Variants in STARD13 observed in about 807,000 individuals in gnomAD.
STARD13 encodes stAR-related lipid transfer protein 13.
In STARD13, 62 loss-of-function variants were observed where a neutral mutation model predicts 106.4. That is an observed-to-expected ratio of 0.58 (90% confidence interval 0.48 to 0.72). The LOEUF (loss-of-function observed/expected upper bound fraction) is 0.72. STARD13 is among the 30% of genes least tolerant of loss of function. STARD13 has a pLI of 0.00. For missense variants in STARD13, 1,387 were observed against 1,424.0 expected (o/e 0.97, Z 0.42); for synonymous variants, 565 against 553.0 (o/e 1.02, Z -0.31).
intron 1 of STARD13, among the ~76,000 whole-genome samples, chr13:33,317,378 A>G (rs1893381234): frequency 6.6e-6 from 1 of 152,148 alleles, no homozygotes; most frequent in Non-Finnish European, 1.5e-5. Context: ...TCCTACAATC[A>G]ACACCTGATG....
rs566622885 is a variant in STARD13 at position 33,350,112 on chromosome 13, G to A, written c.124+178C>T. Among the ~76,000 whole-genome samples, 11 of 152,188 alleles carry A rather than the reference G, an allele frequency of 7.2e-5. No individual in the cohort carries two copies. The South Asian group carries it at 2.3e-3, about 32-fold the overall frequency. ...GCCCACACCCACCGGGAGGCGCGGCGGGAGGGCGCTCGGGGCCCGGCCCAG... is the reference window on the plus strand; with the variant it reads ...GCCCACACCCACCGGGAGGCGCGGCAGGAGGGCGCTCGGGGCCCGGCCCAG... On this transcript the variant is annotated intron_variant, in intron 1 of 1. Transcript: ENST00000439831.
At chr13:33,590,961 G>A in the STARD13 span, among the ~76,000 whole-genome samples, 51 of 152,118 alleles carry the variant, frequency 3.4e-4, no homozygotes, top group African/African-American at 1.0e-3. Flanking sequence ...AAGTCTCCTC[G>A]TACTTGTATA....
intron 12 of STARD13, among the ~76,000 whole-genome samples, chr13:33,108,653 G>A (rs964567445): frequency 1.3e-5 from 2 of 152,196 alleles, no homozygotes; most frequent in African/African-American, 4.8e-5. Context: ...GTGATGGAAC[G>A]AAGCACTGAT....
intron 8 of STARD13, chr13:33,113,663 G>C (rs886645458): frequency 2.2e-6 from 1 of 459,994 alleles, no homozygotes; most frequent in African/African-American, 2.0e-5. Flanking sequence ...GCTGTGCTTG[G>C]AGAAGAAGAA....
intron 1 of STARD13, among the ~76,000 whole-genome samples, chr13:33,318,919 G>A (rs1893444869): frequency 6.6e-6 from 1 of 152,098 alleles, no homozygotes; most frequent in African/African-American, 2.4e-5. Flanking sequence ...GTGTTGATTA[G>A]GAGTAGAGAA....
intron 1 of STARD13, among the ~76,000 whole-genome samples, chr13:33,340,097 A>G (rs2077943404): frequency 6.6e-6 from 1 of 152,238 alleles, no homozygotes; most frequent in Admixed American, 6.5e-5. Context: ...GACAACATGT[A>G]TGCTCCCACA....
the STARD13 span, among the ~76,000 whole-genome samples, chr13:33,575,807 A>C: frequency 6.6e-6 from 1 of 152,138 alleles, no homozygotes; most frequent in Admixed American, 6.6e-5. Flanking sequence ...TGAGCTAAAT[A>C]AGCCTCTTTT....
chr13:33,129,661 C>T lies in STARD13; in HGVS notation c.1016G>A (p.Ser339Asn), dbSNP rs201505372. The change falls in exon 5 of 14, where the codon AGC becomes AAC. Residue 339 changes from serine to asparagine, a missense_variant. By Grantham distance (46) the Ser-to-Asn change is conservative. Transcript: ENST00000336934. ...GCAGGGCGTGCTCACCCCGCTGCTGCTGTGCTCCGACGGGCTGCTCTCGCC... is the reference window on the plus strand; with the variant it reads ...GCAGGGCGTGCTCACCCCGCTGCTGTTGTGCTCCGACGGGCTGCTCTCGCC... ...SSGESSPSEH[S>N]SSGVSTPCLK... 371 of 1,613,880 alleles carry T rather than the reference C, an allele frequency of 2.3e-4. No homozygotes were observed. Among genetic ancestry groups the T allele is most frequent in the Non-Finnish European group, 2.9e-4 (346 of 1,180,044 alleles).
chr13:33,536,011 A>G, the STARD13 span, among the ~76,000 whole-genome samples: 1 of 152,216 alleles, frequency 6.6e-6, no homozygotes, highest in African/African-American at 2.4e-5. Context: ...TAAGAGCATC[A>G]GTGATTTGGG....
chr13:33,114,582 G>C (rs1322515594), intron 8 of STARD13, among the ~76,000 whole-genome samples: 1 of 152,168 alleles, frequency 6.6e-6, no homozygotes, highest in East Asian at 1.9e-4. Flanking sequence ...TGGTACTAAT[G>C]ATCTGAAGCT....
chr13:33,285,877 C>T, upstream of STARD13: 2 of 857,150 alleles, frequency 2.3e-6, no homozygotes, highest in Admixed American at 3.9e-5. Context: ...AGCCCTAAGC[C>T]CCGACCAGAG....
At chr13:33,630,368 C>T in the STARD13 span, among the ~76,000 whole-genome samples, 1 of 152,140 alleles carries the variant, frequency 6.6e-6, no homozygotes, top group Non-Finnish European at 1.5e-5. Context: ...TTTCCTACCT[C>T]TTCACCACTT....
chr13:33,275,186 G>A (rs572969563), intron 1 of STARD13, among the ~76,000 whole-genome samples: 101 of 152,040 alleles, frequency 6.6e-4, no homozygotes, highest in Non-Finnish European at 1.4e-3. Flanking sequence ...TTTCATTACA[G>A]TTTAAGAAAA....
the STARD13 span, among the ~76,000 whole-genome samples, chr13:33,613,844 A>T: frequency 6.6e-6 from 1 of 152,190 alleles, no homozygotes; most frequent in Non-Finnish European, 1.5e-5. Flanking sequence ...GTGGGAAAGG[A>T]CACAAAAGAA....
At chr13:33,544,413 C>T in the STARD13 span, among the ~76,000 whole-genome samples, 1 of 152,204 alleles carries the variant, frequency 6.6e-6, no homozygotes, top group African/African-American at 2.4e-5. Flanking sequence ...AATTAAATCA[C>T]GCAGTGATTA....
the STARD13 span, among the ~76,000 whole-genome samples, chr13:33,427,164 G>A: frequency 1.5e-4 from 23 of 152,192 alleles, no homozygotes; most frequent in East Asian, 2.1e-3. Flanking sequence ...CAATAGGTGC[G>A]TTGTTATCCA....
Position 33,110,957 on chromosome 13 carries a change from C to T in STARD13, c.2608-50G>A, listed in dbSNP as rs370226375. 1.2e-4 allele frequency: 187 copies of T among 1,531,918 alleles called. 1 individual carries two copies. The highest frequency in any genetic ancestry group is 1.2e-3 in the South Asian group (104 of 88,902). The allele number at this position is 1,531,918 out of a possible 1,614,324, so 94.9% of individuals were successfully genotyped here. ...GCAACACACTGAGCCAAAGAAACGC[C>T]GAGACTCAAAGAAAGCAAAGCCATT... On this transcript the variant is annotated intron_variant, in intron 10 of 13. Coordinates refer to ENST00000336934, the MANE Select transcript of STARD13 (RefSeq NM_178006.4).
chr13:33,539,201 G>A, the STARD13 span, among the ~76,000 whole-genome samples: 1 of 152,180 alleles, frequency 6.6e-6, no homozygotes, highest in Non-Finnish European at 1.5e-5. Context: ...TGTGTTGGAA[G>A]AAACTTAACA....
At chr13:33,462,306 A>G in the STARD13 span, among the ~76,000 whole-genome samples, 1 of 152,192 alleles carries the variant, frequency 6.6e-6, no homozygotes, top group Non-Finnish European at 1.5e-5. Flanking sequence ...CCAGTCTTTG[A>G]AATATTTACT....
Sources: gnomAD v4.1 joint callset for allele counts (sites outside exome capture counted in the v4.1 genomes callset) on GRCh38, gnomAD v4.1.1 for gene constraint, MANE v1.5 for transcripts, NCBI Gene and HGNC (gene_info 2026-07-23, HGNC 2026-07-21) for gene names.